The following SPAG16 variants were observed in gnomAD, a reference collection of about 807,000 sequenced individuals.
SPAG16 encodes sperm associated antigen 16.
Under a neutral mutation model 80.4 loss-of-function variants are expected in SPAG16, and 86 were observed. That is an observed-to-expected ratio of 1.07 (90% confidence interval 0.90 to 1.28). The LOEUF is 1.28. SPAG16 is among the 50% of genes most tolerant of loss of function. The pLI is 0.00. For synonymous variants in SPAG16, 294 were observed against 265.9 expected, an observed-to-expected ratio of 1.11 and a Z score of -1.03; for missense variants, 870 against 765.3, an observed-to-expected ratio of 1.14 and a Z score of -1.61.
At chr2:213,567,078 G>A (rs903068729) in intron 10 of SPAG16, among the ~76,000 whole-genome samples, 4 of 151,824 alleles carry the variant, frequency 2.6e-5, no homozygotes, top group African/African-American at 9.7e-5. Context: ...CTTCTCATGA[G>A]GAGAGTCAGA....
intron 15 of SPAG16, among the ~76,000 whole-genome samples, chr2:214,379,275 A>T (rs926559366): frequency 6.6e-6 from 1 of 152,248 alleles, no homozygotes; most frequent in Non-Finnish European, 1.5e-5. Flanking sequence ...GAAGAAAAAG[A>T]GACAGATGGG....
intron 13 of SPAG16, among the ~76,000 whole-genome samples, chr2:214,047,308 A>G (rs142038953): frequency 1.8e-4 from 28 of 152,200 alleles, no homozygotes; most frequent in African/African-American, 6.5e-4. Context: ...TTGATTAATC[A>G]TAACCAAAGC....
chr2:213,785,354 G>C (rs1400547860), intron 10 of SPAG16, among the ~76,000 whole-genome samples: 3 of 152,054 alleles, frequency 2.0e-5, no homozygotes, highest in African/African-American at 7.2e-5. Context: ...GAAAACAATT[G>C]AACAGGATGA....
intron 11 of SPAG16, among the ~76,000 whole-genome samples, chr2:213,891,989 T>C (rs2076801050): frequency 6.6e-6 from 1 of 152,060 alleles, no homozygotes; most frequent in Non-Finnish European, 1.5e-5. Context: ...TAAATATCAC[T>C]GAGAATAGCC....
At chr2:213,501,547 A>G (rs2074742333) in intron 10 of SPAG16, among the ~76,000 whole-genome samples, 1 of 152,212 alleles carries the variant, frequency 6.6e-6, no homozygotes, top group African/African-American at 2.4e-5. Context: ...AATTCTCTTC[A>G]GAGGAAGCTG....
chr2:214,098,089 A>G (rs1576182018), intron 13 of SPAG16, among the ~76,000 whole-genome samples: 1 of 152,096 alleles, frequency 6.6e-6, no homozygotes, highest in East Asian at 1.9e-4. Flanking sequence ...GTCTGTTTAG[A>G]TATGTATTCA....
chr2:214,237,887 T>C (rs1005926518), intron 15 of SPAG16, among the ~76,000 whole-genome samples: 1 of 152,130 alleles, frequency 6.6e-6, no homozygotes, highest in East Asian at 1.9e-4. Context: ...TTAAAACTAA[T>C]AGTTACAGTA....
intron 7 of SPAG16, among the ~76,000 whole-genome samples, chr2:213,355,165 G>T (rs2065565720): frequency 6.6e-6 from 1 of 152,188 alleles, no homozygotes; most frequent in Non-Finnish European, 1.5e-5. Context: ...TCAAAGATCA[G>T]ATGGTTGTAG....
intron 10 of SPAG16, among the ~76,000 whole-genome samples, chr2:213,643,346 TTTTA>T (rs2062677687): frequency 4.1e-5 from 3 of 72,674 alleles, no homozygotes; most frequent in Admixed American, 1.7e-4. Flanking sequence ...TGGATCTTAA[TTTTA>T]TATATATATA....
intron 10 of SPAG16, among the ~76,000 whole-genome samples, chr2:213,523,330 C>A (rs1195107346): frequency 2.0e-5 from 3 of 152,140 alleles, no homozygotes; most frequent in African/African-American, 7.2e-5. Flanking sequence ...GCCTTCCCAG[C>A]GATGTGGAAC....
chr2:213,814,662 C>T (rs1221250238), intron 10 of SPAG16, among the ~76,000 whole-genome samples: 3 of 152,018 alleles, frequency 2.0e-5, no homozygotes, highest in African/African-American at 7.2e-5. Context: ...TAGTGGCACA[C>T]GCCTGTAATC....
rs539619208 is a variant in SPAG16, at chr2:214,202,550, A to C, written c.1720+53284A>C. ...TTCTGACTATGGTCACCATCGGGGC[A>C]GAGGTAAATTATCCTCAAGAAAGAA... On this transcript the variant is annotated intron_variant, in intron 15 of 15. Transcript: ENST00000331683. Among the ~76,000 whole-genome samples the C allele has an allele frequency of 5.3e-5, 8 of 152,344 alleles. No homozygotes were observed. In the South Asian group the frequency reaches 1.4e-3, roughly 28 times the overall value.
intron 7 of SPAG16, among the ~76,000 whole-genome samples, chr2:213,358,874 G>C (rs2065822132): frequency 6.6e-6 from 1 of 152,112 alleles, no homozygotes; most frequent in Non-Finnish European, 1.5e-5. Context: ...TTCTGCTCTT[G>C]TTTCTCTCCA....
In SPAG16 at chr2:214,200,944, GAC is replaced by G. The variant is rs1376399784; in HGVS notation, c.1720+51682_1720+51683del. 2.0e-5 allele frequency among the ~76,000 whole-genome samples: 3 copies of G among 152,138 alleles called. No individual in the cohort carries two copies. In the South Asian group the frequency reaches 6.2e-4, roughly 32 times the overall value. Reference sequence around the variant, plus strand: ...CCACACATGGGAAGACATTGTCTGAGACACAGAGTAATTGTAAAGAGAGTTGC... The same window carrying G: ...CCACACATGGGAAGACATTGTCTGAGACAGAGTAATTGTAAAGAGAGTTGC... On this transcript the variant is annotated intron_variant, in intron 15 of 15. Transcript: ENST00000331683.
chr2:214,041,465 A>T (rs200541926), intron 13 of SPAG16, among the ~76,000 whole-genome samples: 8 of 127,706 alleles, frequency 6.3e-5, no homozygotes, highest in Non-Finnish European at 1.2e-4. Flanking sequence ...TTTTTTTTTT[A>T]AATCATGGCT....
intron 12 of SPAG16, among the ~76,000 whole-genome samples, chr2:213,940,875 G>A (rs1320247129): frequency 6.6e-6 from 1 of 151,878 alleles, no homozygotes; most frequent in Non-Finnish European, 1.5e-5. Flanking sequence ...TTATAAACAG[G>A]CTACATTATG....
chr2:213,865,075 T>C (rs1370317625), intron 11 of SPAG16, among the ~76,000 whole-genome samples: 1 of 152,048 alleles, frequency 6.6e-6, no homozygotes, highest in African/African-American at 2.4e-5. Context: ...TCTCTCAACT[T>C]TTAATCTGTC....
intron 15 of SPAG16, among the ~76,000 whole-genome samples, chr2:214,387,850 T>A (rs1700847389): frequency 6.6e-6 from 1 of 152,266 alleles, no homozygotes; most frequent in Non-Finnish European, 1.5e-5. Flanking sequence ...CCCTCATGAT[T>A]CAGTGATCTT....
chr2:213,530,452 G>A (rs2076030319), intron 10 of SPAG16, among the ~76,000 whole-genome samples: 1 of 152,154 alleles, frequency 6.6e-6, no homozygotes, highest in Non-Finnish European at 1.5e-5. Context: ...GCGCATGACT[G>A]TAATCATCTT....
Sources: gnomAD v4.1 joint callset for allele counts (sites outside exome capture counted in the v4.1 genomes callset) on GRCh38, gnomAD v4.1.1 for gene constraint, MANE v1.5 for transcripts, NCBI Gene and HGNC (gene_info 2026-07-23, HGNC 2026-07-21) for gene names.